Variants in NRXN3 observed in about 807,000 individuals in gnomAD.
NRXN3 encodes the protein neurexin 3, also known as neurexin III.
Under a neutral mutation model 137.6 loss-of-function variants are expected in NRXN3, and 32 were observed. The observed-to-expected ratio is 0.23, with a 90% CI of 0.18 to 0.31. The LOEUF is 0.31. Ranked by LOEUF, NRXN3 falls within the 10% of genes least tolerant of loss-of-function variation. The probability of loss-of-function intolerance (pLI) is 1.00; values close to 1 mark genes in which losing one functional copy is unlikely to be tolerated. For missense variants in NRXN3, 1,574 were observed against 2,062.5 expected (o/e 0.76, Z 4.59); for synonymous variants, 798 against 784.5 (o/e 1.02, Z -0.29).
chr14:79,118,187 A>G (rs2054793458), intron 15 of NRXN3, among the ~76,000 whole-genome samples: 1 of 150,482 alleles, frequency 6.6e-6, no homozygotes, highest in Non-Finnish European at 1.5e-5. Context: ...GACTCTTTTT[A>G]TCAACAAAAG....
chr14:79,508,732 T>A (rs998843479), intron 16 of NRXN3, among the ~76,000 whole-genome samples: 3 of 152,128 alleles, frequency 2.0e-5, no homozygotes, highest in African/African-American at 7.2e-5. Flanking sequence ...TACTCATGAC[T>A]ATTTGTCATT....
intron 20 of NRXN3, among the ~76,000 whole-genome samples, chr14:79,820,441 C>T (rs1382208052): frequency 1.3e-5 from 2 of 152,194 alleles, no homozygotes; most frequent in Non-Finnish European, 2.9e-5. Flanking sequence ...AATACAGGTT[C>T]ACAGCCAGAT....
intron 8 of NRXN3, among the ~76,000 whole-genome samples, chr14:78,719,043 G>A (rs979282681): frequency 1.3e-5 from 2 of 152,192 alleles, no homozygotes; most frequent in African/African-American, 2.4e-5. Flanking sequence ...TAGCCAAACT[G>A]TCTAGTTCAA....
intron 4 of NRXN3, among the ~76,000 whole-genome samples, chr14:78,512,791 A>C (rs1369053291): frequency 6.6e-6 from 1 of 152,198 alleles, no homozygotes; most frequent in African/African-American, 2.4e-5. Flanking sequence ...AGGAACCTGC[A>C]GGCGAAAACC....
chr14:78,175,946 C>T (rs1039191612), intron 1 of NRXN3, among the ~76,000 whole-genome samples: 17 of 152,150 alleles, frequency 1.1e-4, no homozygotes, highest in Non-Finnish European at 1.9e-4. Flanking sequence ...TCTCTTTACC[C>T]CTCTAGAATG....
At chr14:79,414,129 G>A (rs2095462329) in intron 15 of NRXN3, among the ~76,000 whole-genome samples, 1 of 151,990 alleles carries the variant, frequency 6.6e-6, no homozygotes, top group South Asian at 2.1e-4. Flanking sequence ...GGGCGGCAGG[G>A]GGTCATTGAT....
intron 10 of NRXN3, among the ~76,000 whole-genome samples, chr14:78,847,164 A>G (rs1401716271): frequency 1.3e-5 from 2 of 152,074 alleles, no homozygotes; most frequent in African/African-American, 4.8e-5. Flanking sequence ...GAAACTCCAT[A>G]TGAGAGCCCT....
intron 15 of NRXN3, among the ~76,000 whole-genome samples, chr14:79,277,656 A>C (rs1339468140): frequency 1.3e-5 from 2 of 152,192 alleles, no homozygotes; most frequent in Admixed American, 1.3e-4. Context: ...TTTACAGAGG[A>C]GGAAACTGAG....
At chr14:79,237,424 G>A (rs1201047259) in intron 15 of NRXN3, among the ~76,000 whole-genome samples, 1 of 152,042 alleles carries the variant, frequency 6.6e-6, no homozygotes, top group Non-Finnish European at 1.5e-5. Flanking sequence ...AAATGCAAAT[G>A]AATACAACCA....
chr14:78,328,904 G>A (rs2080440071), intron 4 of NRXN3, among the ~76,000 whole-genome samples: 1 of 152,148 alleles, frequency 6.6e-6, no homozygotes, highest in South Asian at 2.1e-4. Flanking sequence ...CTAGGCTGCT[G>A]AGGAAGTGCA....
At chr14:78,555,127 TG>T (rs1317898961) in intron 4 of NRXN3, among the ~76,000 whole-genome samples, 1 of 152,122 alleles carries the variant, frequency 6.6e-6, no homozygotes, top group African/African-American at 2.4e-5. Context: ...CACTAACGGA[TG>T]GTTGTGAGAG....
intron 15 of NRXN3, among the ~76,000 whole-genome samples, chr14:79,465,678 A>T (rs769347867): frequency 6.6e-6 from 1 of 152,248 alleles, no homozygotes; most frequent in African/African-American, 2.4e-5. Context: ...AGCTCTGGAA[A>T]TACATGCGGA....
intron 8 of NRXN3, among the ~76,000 whole-genome samples, chr14:78,739,485 A>AT (rs1292009577): frequency 6.6e-6 from 1 of 152,062 alleles, no homozygotes; most frequent in Non-Finnish European, 1.5e-5. Flanking sequence ...ATCTTGTTTT[A>AT]TTTTTTGAGA....
intron 10 of NRXN3, among the ~76,000 whole-genome samples, chr14:78,862,853 G>C (rs2099076379): frequency 6.6e-6 from 1 of 152,108 alleles, no homozygotes; most frequent in Admixed American, 6.6e-5. Flanking sequence ...ATAGATATAA[G>C]TAGGCATAGC....
At chr14:78,277,822 G>A (rs890787240) in intron 2 of NRXN3, among the ~76,000 whole-genome samples, 5 of 152,166 alleles carry the variant, frequency 3.3e-5, no homozygotes, top group East Asian at 1.9e-4. Context: ...GGCGCGAACC[G>A]TTCTTCATTT....
intron 16 of NRXN3, among the ~76,000 whole-genome samples, chr14:79,594,539 G>A (rs959621049): frequency 4.6e-5 from 7 of 152,112 alleles, no homozygotes; most frequent in Non-Finnish European, 8.8e-5. Flanking sequence ...ACTAATGCAA[G>A]GGCTTACAGC....
chr14:78,808,917 C>T (rs1452140662), intron 9 of NRXN3, among the ~76,000 whole-genome samples: 1 of 151,966 alleles, frequency 6.6e-6, no homozygotes, highest in Non-Finnish European at 1.5e-5. Context: ...AAGAAGAGTA[C>T]TTTGTGACTA....
chr14:78,189,227 T>G (rs1358697706), intron 1 of NRXN3, among the ~76,000 whole-genome samples: 1 of 152,148 alleles, frequency 6.6e-6, no homozygotes, highest in Non-Finnish European at 1.5e-5. Flanking sequence ...CCACCACCAC[T>G]TGCCTAGATG....
intron 4 of NRXN3, among the ~76,000 whole-genome samples, chr14:78,561,175 A>C (rs1339881195): frequency 1.3e-5 from 2 of 152,190 alleles, no homozygotes; most frequent in African/African-American, 4.8e-5. Context: ...ATGAGTCTTT[A>C]GGGTTTTCTA....
Sources: gnomAD v4.1 joint callset for allele counts (sites outside exome capture counted in the v4.1 genomes callset) on GRCh38, gnomAD v4.1.1 for gene constraint, MANE v1.5 for transcripts, NCBI Gene and HGNC (gene_info 2026-07-23, HGNC 2026-07-21) for gene names.